Variants in GRB7 observed in about 807,000 individuals in gnomAD.
GRB7 encodes the protein growth factor receptor bound protein 7, also known as growth factor receptor-bound protein 7.
A neutral mutation model predicts 64.1 loss-of-function variants in GRB7; 47 were observed. The observed-to-expected ratio is 0.73, with a 90% confidence interval of 0.58 to 0.94. GRB7 has a LOEUF of 0.94. GRB7 is among the 40% of genes least tolerant of loss of function. GRB7 has a pLI of 0.00. For synonymous variants in GRB7, 277 were observed against 279.9 expected (o/e 0.99, Z 0.10); for missense variants, 634 against 718.4 (o/e 0.88, Z 1.34).
Position 39,742,397 on chromosome 17 carries a change from T to A in GRB7, c.96T>A (p.Asp32Glu). Residue 32 changes from aspartate to glutamate, a missense_variant, in exon 2 of 15, where the codon GAT becomes GAA. By Grantham distance (45) the Asp-to-Glu change is conservative. Coordinates refer to ENST00000309156, the MANE Select transcript of GRB7 (RefSeq NM_005310.5). ...GTPPGTPRPP[D>E]TPLPEEVKRS... is the part of the protein sequence containing the mutation. ...CTCCTGGGACTCCCCGGCCCCCTGA[T>A]ACCCCTCTGCCTGAGGAGGTAAAGA... The A allele has an allele frequency of 1.2e-6, 2 of 1,613,956 alleles. No individual in the cohort carries two copies. Among genetic ancestry groups the A allele is most frequent in the Non-Finnish European group, 1.7e-6 (2 of 1,179,994 alleles).
rs764870231 is a variant in GRB7 at position 39,746,196 on chromosome 17, C to A, written c.1446C>A (p.Ile482=). The change falls in exon 14 of 15, where the codon ATC becomes ATA. Residue 482 remains isoleucine (I), a synonymous_variant. Transcript: ENST00000309156. The stretch of plus-strand genomic sequence containing the variant: ...TGCAGAAAGTGAAGCATTATCTCAT[C>A]CTGCCGGTGAGCTTCCCTGCGTCCC... The part of the protein sequence containing the change: ...CHLQKVKHYL[I]LPSEEEGRLY... 6.2e-7 allele frequency: 1 copy of A among 1,613,394 alleles called. No homozygotes were observed. The highest frequency in any genetic ancestry group is 1.1e-5 in the South Asian group (1 of 91,070).
rs561941143 is a variant in GRB7 at position 39,739,778 on chromosome 17, A to G, written c.-51+1645A>G. ...CGGACGGAGTTACCTCGTTGAGGGGACAAACTGATTTTGGGGGTCGGTGTT... is the reference window on the plus strand; with the variant it reads ...CGGACGGAGTTACCTCGTTGAGGGGGCAAACTGATTTTGGGGGTCGGTGTT... On this transcript the variant is annotated intron_variant, in intron 1 of 14. Coordinates refer to ENST00000309156, the MANE Select transcript of GRB7 (RefSeq NM_005310.5). Among the ~76,000 whole-genome samples, 48 of 152,304 alleles carry G rather than the reference A, an allele frequency of 3.2e-4. No individual in the cohort carries two copies. The Middle Eastern group carries it at 0.014, about 43-fold the overall frequency.
chr17:39,745,168 T>G (rs1355051957), intron 9 of GRB7, 75 bp from the exon 10 acceptor site: 1 of 1,334,252 alleles, frequency 7.5e-7, no homozygotes, highest in African/African-American at 1.5e-5. Flanking sequence ...GGGCAAGTCC[T>G]GGTCTGAGGG....
In GRB7 at chr17:39,745,775, G is replaced by C; in HGVS notation, c.1257G>C (p.Thr419=). The C allele has an allele frequency of 6.2e-7, 1 of 1,614,022 alleles. No homozygotes were observed. Among genetic ancestry groups the C allele is most frequent in the South Asian group, 1.1e-5 (1 of 91,070 alleles). The stretch of plus-strand genomic sequence containing the variant: ...GCCTGCCCATGCCAGCCTCCGGCAC[G>C]AGCCTCAGTGCAGGTGGGTGACGGC... ...RLSLPMPASG[T]SLSAAIHRTQ... is the part of the protein sequence containing the mutation. Residue 419 remains threonine (T), a synonymous_variant, in exon 12 of 15, where the codon ACG becomes ACC. Coordinates refer to ENST00000309156, the MANE Select transcript of GRB7 (RefSeq NM_005310.5).
chr17:39,740,064 C>T, intron 1 of GRB7: 1 of 985,556 alleles, frequency 1.0e-6, no homozygotes, highest in Non-Finnish European at 1.2e-6. Flanking sequence ...CACTGCCCTC[C>T]CGAATTCTCT....
chr17:39,745,663 C>A (rs939039257), intron 11 of GRB7, 65 bp from the exon 12 acceptor site: 15 of 1,583,594 alleles, frequency 9.5e-6, no homozygotes, highest in African/African-American at 1.3e-5. Context: ...GCTCTACCTT[C>A]CTGAGGTGCT....
chr17:39,744,266 C>T (rs965052585), intron 7 of GRB7, 59 bp downstream of exon 7: 4 of 1,593,544 alleles, frequency 2.5e-6, no homozygotes, highest in Non-Finnish European at 3.4e-6. Flanking sequence ...TTAGAAGTTG[C>T]CCCTTCTCTG....
intron 1 of GRB7, 51 bp from the exon 2 acceptor site, chr17:39,742,201 A>C: frequency 3.1e-4 from 406 of 1,329,582 alleles, no homozygotes; most frequent in Non-Finnish European, 3.9e-4. Flanking sequence ...GGGGCACCCT[A>C]ACCGCCGTGT....
intron 1 of GRB7, among the ~76,000 whole-genome samples, chr17:39,740,775 T>TG (rs2059988384): frequency 6.6e-6 from 1 of 152,132 alleles, no homozygotes; most frequent in South Asian, 2.1e-4. Flanking sequence ...GGAAGTTGTG[T>TG]GGATGAGTCA....
intron 1 of GRB7, among the ~76,000 whole-genome samples, chr17:39,741,784 C>T (rs1413651275): frequency 6.6e-6 from 1 of 151,712 alleles, no homozygotes; most frequent in Non-Finnish European, 1.5e-5. Context: ...CTTTGGGAGG[C>T]CAAGGCGGGC....
intron 1 of GRB7, chr17:39,740,052 A>G: frequency 1.0e-6 from 1 of 985,406 alleles, no homozygotes; most frequent in Non-Finnish European, 1.2e-6. Flanking sequence ...ACCCCTTCCA[A>G]GCACTGCCCT....
chr17:39,738,874 C>T (rs1276216333), intron 1 of GRB7: 1 of 1,533,998 alleles, frequency 6.5e-7, no homozygotes, highest in South Asian at 1.2e-5. Flanking sequence ...AGATTGTATG[C>T]CCTTCTCAGC....
At chr17:39,745,581 C>T (rs754908103) in intron 11 of GRB7, 43 bp downstream of exon 11, 3 of 1,580,372 alleles carry the variant, frequency 1.9e-6, no homozygotes, top group East Asian at 2.2e-5. Flanking sequence ...TGGGGACCCA[C>T]TCTCTGGGTG....
At chr17:39,738,672 T>C in intron 1 of GRB7, 1 of 441,612 alleles carries the variant, frequency 2.3e-6, no homozygotes, top group Admixed American at 3.6e-5. Flanking sequence ...CCGCTGAAAC[T>C]AGCCCCTCCC....
intron 8 of GRB7, 22 bp from the exon 9 acceptor site, chr17:39,744,864 A>C: frequency 6.3e-7 from 1 of 1,594,208 alleles, no homozygotes; most frequent in Non-Finnish European, 8.6e-7. Context: ...ATATGGGACC[A>C]GTCAATTTCC....
rs61754642 is a variant in GRB7, at chr17:39,745,493, C to G, written c.1164C>G (p.Pro388=). The stretch of plus-strand genomic sequence containing the variant: ...ATGCTGGGCGTGTCATTGAGAACCC[C>G]CGGGAGGCTCTGAGTGTGGCCCTGG... ...SGHAGRVIEN[P]REALSVALEE... Residue 388 remains proline, a synonymous_variant, in exon 11 of 15, where the codon CCC becomes CCG. Coordinates refer to ENST00000309156, the MANE Select transcript of GRB7 (RefSeq NM_005310.5). 5.0e-6 allele frequency: 8 copies of G among 1,613,888 alleles called. No individual in the cohort carries two copies. Among genetic ancestry groups the G allele is most frequent in the Non-Finnish European group, 6.8e-6 (8 of 1,180,014 alleles).
intron 1 of GRB7, chr17:39,740,267 C>T: frequency 3.0e-6 from 2 of 664,774 alleles, no homozygotes; most frequent in Non-Finnish European, 3.7e-6. Context: ...GTGTCGTGCC[C>T]CTCCTGGCAG....
At position 39,742,283 on chromosome 17, in the gene GRB7, C is replaced by G. The variant is rs1456179063; in HGVS notation, c.-19C>G. On this transcript the variant is annotated 5_prime_UTR_variant, in exon 2 of 15. Transcript: ENST00000309156. ...GGCACACAACTGGTTCCGTTAAGCC[C>G]CTCTCTTGCTCAGACGCCATGGAGC... The G allele has an allele frequency of 6.2e-7, 1 of 1,613,802 alleles. No homozygotes were observed. The highest frequency in any genetic ancestry group is 1.3e-5 in the African/African-American group (1 of 74,902).
Position 39,747,225 on chromosome 17 carries a change from G to A in GRB7, c.*328G>A, listed in dbSNP as rs746927457. 7 of 357,336 alleles carry A rather than the reference G, an allele frequency of 2.0e-5. No individual in the cohort carries two copies. Among genetic ancestry groups the A allele is most frequent in the African/African-American group, 4.2e-5 (2 of 47,938 alleles). 22.1% of individuals were successfully genotyped at this position (357,336 alleles called of 1,614,324 possible). ...TCACGCCCCACACTTTGTACAGACC[G>A]AGAGGCCAGTTGATCTGCTCTGTTT... On this transcript the variant is annotated 3_prime_UTR_variant, in exon 15 of 15. Coordinates refer to ENST00000309156, the MANE Select transcript of GRB7 (RefSeq NM_005310.5).
Sources: allele counts gnomAD v4.1 joint callset (sites outside exome capture counted in the v4.1 genomes callset), GRCh38; gene constraint gnomAD v4.1.1; transcripts MANE v1.5; gene names NCBI Gene and HGNC (gene_info 2026-07-23, HGNC 2026-07-21).